Variants in THRB observed in about 807,000 individuals in gnomAD.
THRB encodes the protein nuclear receptor subfamily 1 group A member 2.
A neutral mutation model predicts 47.8 loss-of-function variants in THRB; 12 were observed. The observed-to-expected ratio is 0.25, with a 90% CI of 0.16 to 0.41. The LOEUF is 0.41. THRB is among the 10% of genes least tolerant of loss of function. The pLI, the probability that THRB is intolerant of heterozygous loss-of-function variation, is 1.00. For synonymous variants in THRB, 218 were observed against 212.2 expected (o/e 1.03, Z -0.24); for missense variants, 348 against 589.2 (o/e 0.59, Z 4.24).
chr3:24,357,189 A>G (rs2063728088), intron 1 of THRB, among the ~76,000 whole-genome samples: 1 of 150,878 alleles, frequency 6.6e-6, no homozygotes, highest in South Asian at 2.1e-4. Flanking sequence ...GAACACCAAT[A>G]TTTTAGGCTC....
intron 9 of THRB, among the ~76,000 whole-genome samples, chr3:24,128,860 A>ATTTTTTT (rs1248147137): frequency 1.3e-5 from 1 of 75,960 alleles, no homozygotes; most frequent in East Asian, 7.1e-4. Flanking sequence ...AGGAAACATA[A>ATTTTTTT]CTCTTTTTTT....
Position 24,299,117 on chromosome 3 carries a change from G to A in THRB, c.-188-1746C>T, listed in dbSNP as rs1045329631. 2.6e-5 allele frequency among the ~76,000 whole-genome samples: 4 copies of A among 151,450 alleles called. 1 individual carries two copies. Among genetic ancestry groups the A allele is most frequent in the Middle Eastern group, 6.8e-3 (2 of 294 alleles). On this transcript the variant is annotated intron_variant, in intron 2 of 10. Coordinates refer to ENST00000646209, the MANE Select transcript of THRB (RefSeq NM_001354712.2). ...AAAAAAATTAGCTGGGCGTGGTGGC[G>A]GGCGCCTGTAGTCCCAGCTACTCGG...
At chr3:24,377,737 C>T (rs1160125709) in intron 1 of THRB, among the ~76,000 whole-genome samples, 1 of 152,086 alleles carries the variant, frequency 6.6e-6, no homozygotes, top group East Asian at 1.9e-4. Flanking sequence ...GTCCTGGCTC[C>T]TTGTTAAAAA....
intron 3 of THRB, among the ~76,000 whole-genome samples, chr3:24,238,786 G>A (rs1391433465): frequency 6.6e-6 from 1 of 152,018 alleles, no homozygotes; most frequent in African/African-American, 2.4e-5. Flanking sequence ...CTGTGCTCCT[G>A]AAATTCCCTT....
chr3:24,167,673 G>C (rs373477821), intron 5 of THRB, among the ~76,000 whole-genome samples: 1 of 152,038 alleles, frequency 6.6e-6, no homozygotes, highest in Non-Finnish European at 1.5e-5. Context: ...TAAGAGCTGC[G>C]TGTTGAATCC....
chr3:24,270,971 A>C (rs1411892702), intron 3 of THRB, among the ~76,000 whole-genome samples: 13 of 152,208 alleles, frequency 8.5e-5, no homozygotes, highest in African/African-American at 2.7e-4. Context: ...CCCCCTTTCC[A>C]AAATACCTTC....
chr3:24,158,769 T>A (rs1413466414), intron 5 of THRB, among the ~76,000 whole-genome samples: 2 of 152,190 alleles, frequency 1.3e-5, no homozygotes, highest in African/African-American at 4.8e-5. Context: ...AGTATTCTTA[T>A]CATATATTAT....
rs746323691 is a variant in THRB at position 24,481,229 on chromosome 3, G to GTTTTTTTTTTTTTTTTTTTTT, written c.-261+13402_-261+13422dup. Among the ~76,000 whole-genome samples, 46 of 55,362 alleles carry GTTTTTTTTTTTTTTTTTTTTT rather than the reference G, an allele frequency of 8.3e-4. 2 individuals carry two copies. Among genetic ancestry groups the GTTTTTTTTTTTTTTTTTTTTT allele is most frequent in the Non-Finnish European group, 9.9e-4 (30 of 30,260 alleles). 36.3% of individuals were successfully genotyped at this position (55,362 alleles called of 152,430 possible). On this transcript the variant is annotated intron_variant, in intron 1 of 10. Coordinates refer to ENST00000646209, the MANE Select transcript of THRB (RefSeq NM_001354712.2). Reference sequence around the variant, plus strand: ...TATATGTGTGGATGCGTTTCTTTCTGTTTTTTTTTTTTTTTTTTTTTTTTT... The same window carrying GTTTTTTTTTTTTTTTTTTTTT: ...TATATGTGTGGATGCGTTTCTTTCTGTTTTTTTTTTTTTTTTTTTTTTTTTTTTTTTTTTTTTTTTTTTTTT...
At position 24,148,137 on chromosome 3, in the gene THRB, T is replaced by A. The variant is rs192931452; in HGVS notation, c.385-1315A>T. ...TTAAAATGTAAGAAATTAAAAAAAA[T>A]TTTTTTTGAGACAGAGTCTCGCTCT... On this transcript the variant is annotated intron_variant, in intron 6 of 10. Transcript: ENST00000646209. Among the ~76,000 whole-genome samples the A allele has an allele frequency of 1.4e-4, 21 of 152,148 alleles. No homozygotes were observed. The East Asian group carries it at 1.5e-3, about 11-fold the overall frequency.
At chr3:24,193,136 C>T (rs963281287) in intron 4 of THRB, among the ~76,000 whole-genome samples, 11 of 152,166 alleles carry the variant, frequency 7.2e-5, no homozygotes, top group African/African-American at 2.2e-4. Flanking sequence ...CTCCACATAC[C>T]TGTGGTTGGC....
intron 1 of THRB, among the ~76,000 whole-genome samples, chr3:24,479,105 T>C (rs1695959264): frequency 6.6e-6 from 1 of 152,108 alleles, no homozygotes; most frequent in South Asian, 2.1e-4. Flanking sequence ...GAGACCATCC[T>C]GGCTAACACG....
At chr3:24,300,088 G>A (rs554905514) in intron 2 of THRB, among the ~76,000 whole-genome samples, 1 of 152,032 alleles carries the variant, frequency 6.6e-6, no homozygotes. Flanking sequence ...ATGCCTGAGG[G>A]AGGGCAGAAC....
chr3:24,296,498 G>A (rs2056460654), intron 3 of THRB, among the ~76,000 whole-genome samples: 1 of 152,234 alleles, frequency 6.6e-6, no homozygotes, highest in Non-Finnish European at 1.5e-5. Context: ...GCACAGGACT[G>A]AGTTCAGAGG....
rs768021983 is a variant in THRB, at chr3:24,123,142, AG to A, written c.1145-18del. ...CCGGGCGATCTGCGGGGAAGAGAGA[AG>A]ATGGACATTGATTCAGAGATGGAAG... On this transcript the variant is annotated intron_variant, in intron 10 of 10. Coordinates refer to ENST00000646209, the MANE Select transcript of THRB (RefSeq NM_001354712.2). 1 of 1,614,084 alleles carries A rather than the reference AG, an allele frequency of 6.2e-7. No homozygotes were observed. The highest frequency in any genetic ancestry group is 8.5e-7 in the Non-Finnish European group (1 of 1,180,032).
chr3:24,441,001 G>A (rs180938482), intron 1 of THRB, among the ~76,000 whole-genome samples: 46 of 152,304 alleles, frequency 3.0e-4, no homozygotes, highest in Middle Eastern at 3.4e-3. Context: ...GGTGTTAGCT[G>A]AAGCTGCAAA....
intron 1 of THRB, among the ~76,000 whole-genome samples, chr3:24,371,641 A>T (rs2064919764): frequency 6.6e-6 from 1 of 152,020 alleles, no homozygotes; most frequent in African/African-American, 2.4e-5. Flanking sequence ...CCCCTTCACT[A>T]AGGAGAAATG....
intron 3 of THRB, among the ~76,000 whole-genome samples, chr3:24,232,994 G>T (rs924334086): frequency 6.6e-6 from 1 of 152,156 alleles, no homozygotes; most frequent in African/African-American, 2.4e-5. Flanking sequence ...GTGCCAAGGG[G>T]TGGTGCTGAG....
At chr3:24,146,628 T>G (rs1475996522) in intron 7 of THRB, 47 bp downstream of exon 7, 8 of 1,607,618 alleles carry the variant, frequency 5.0e-6, no homozygotes, top group African/African-American at 1.3e-5. Context: ...CCAAACTGTT[T>G]CCTAATCAAC....
chr3:24,436,187 T>C (rs1315082080), intron 1 of THRB, among the ~76,000 whole-genome samples: 4 of 150,494 alleles, frequency 2.7e-5, no homozygotes, highest in Admixed American at 2.6e-4. Context: ...TGGTAGGGAA[T>C]ACCTAAGGGA....
Sources: allele counts gnomAD v4.1 joint callset (sites outside exome capture counted in the v4.1 genomes callset), GRCh38; gene constraint gnomAD v4.1.1; transcripts MANE v1.5; gene names NCBI Gene and HGNC (gene_info 2026-07-23, HGNC 2026-07-21).